The following TDRD5 variants were observed in gnomAD, a reference collection of about 807,000 sequenced individuals.
TDRD5 encodes tudor domain-containing protein 5.
In TDRD5, 41 loss-of-function variants were observed where a neutral mutation model predicts 120.6. The ratio of observed to expected loss-of-function variants is 0.34; its 90% CI spans 0.26 to 0.44. The LOEUF is 0.44. TDRD5 is among the 20% of genes least tolerant of loss of function. The pLI, the probability that TDRD5 is intolerant of heterozygous loss-of-function variation, is 1.00. For missense variants in TDRD5, 1,006 were observed against 1,221.2 expected, an observed-to-expected ratio of 0.82 and a Z score of 2.63; for synonymous variants, 430 against 433.7, an observed-to-expected ratio of 0.99 and a Z score of 0.11.
intron 11 of TDRD5, among the ~76,000 whole-genome samples, chr1:179,646,828 C>T (rs952715047): frequency 6.6e-6 from 1 of 151,970 alleles, no homozygotes; most frequent in Admixed American, 6.6e-5. Context: ...AGAGCCAAAT[C>T]ATGAGTGAAC....
intron 7 of TDRD5, among the ~76,000 whole-genome samples, chr1:179,632,253 C>T (rs1435041852): frequency 1.3e-5 from 2 of 152,062 alleles, no homozygotes; most frequent in Non-Finnish European, 2.9e-5. Flanking sequence ...ATTTTAGATT[C>T]ACATGGAGTT....
intron 6 of TDRD5, 89 bp from the exon 7 acceptor site, chr1:179,630,678 G>T: frequency 7.3e-7 from 1 of 1,375,434 alleles, no homozygotes; most frequent in South Asian, 1.5e-5. Flanking sequence ...GACCCTTTAA[G>T]ATTTAGTTTG....
chr1:179,621,094 A>T lies in TDRD5; in HGVS notation c.972+3A>T. ...CTAAACTGCTTGGAGAGTATGAGGT[A>T]AGTGTTTTGCTTTTCCCCAACCCTA... On this transcript the variant is annotated splice_donor_region_variant and intron_variant, in intron 6 of 17. Transcript: ENST00000444136. 28 of 1,594,730 alleles carry T rather than the reference A, an allele frequency of 1.8e-5. No homozygotes were observed. The highest frequency in any genetic ancestry group is 2.4e-5 in the Non-Finnish European group (28 of 1,174,436).
chr1:179,637,243 G>C (rs2102018331), intron 9 of TDRD5, among the ~76,000 whole-genome samples: 1 of 152,220 alleles, frequency 6.6e-6, no homozygotes, highest in Non-Finnish European at 1.5e-5. Context: ...TAATCACTTG[G>C]TAAAAATATA....
rs374367114 is a variant in TDRD5, at chr1:179,630,794, A to G, written c.1000A>G (p.Lys334Glu). 28 of 1,613,422 alleles carry G rather than the reference A, an allele frequency of 1.7e-5. No homozygotes were observed. In the African/African-American group the frequency reaches 2.4e-4, roughly 14 times the overall value. The change falls in exon 7 of 18, where the codon AAA becomes GAA. Residue 334 changes from lysine (K) to glutamate (E), a missense_variant. Around this residue, in one of 3 missense-constraint regions of TDRD5, gnomAD observed 445 missense variants for 515.5 expected, o/e 0.86. Transcript: ENST00000444136. The stretch of plus-strand genomic sequence containing the variant: ...AATTTTTAAAGAGCAACTATCACCA[A>G]AAAAATTAGGCTTCTTAAATGTGAC... ...EVIFKEQLSP[K>E]KLGFLNVTEL...
At position 179,654,229 on chromosome 1, in the gene TDRD5, GT is replaced by G. The variant is rs1319400319; in HGVS notation, c.2190del (p.His731IlefsTer10). 1.3e-6 allele frequency: 2 copies of G among 1,545,466 alleles called. No homozygotes were observed. Among genetic ancestry groups the G allele is most frequent in the Admixed American group, 4.0e-5 (2 of 50,572 alleles). On this transcript the variant is annotated frameshift_variant, in exon 14 of 18. Coordinates refer to ENST00000444136, the MANE Select transcript of TDRD5 (RefSeq NM_001199085.3). LOFTEE classifies it high-confidence loss of function. ...LQDINDEKSL[S>X]HLKSESKEPL... ...GATATTAATGATGAAAAGTCTTTAA[GT>G]CATCTTAAATCTGAGTCAAAGGAGC...
At chr1:179,615,636 C>A (rs1676526771) in intron 4 of TDRD5, among the ~76,000 whole-genome samples, 1 of 152,084 alleles carries the variant, frequency 6.6e-6, no homozygotes, top group African/African-American at 2.4e-5. Context: ...CTGATTACCT[C>A]CCAATCTTAC....
chr1:179,631,062 C>T, intron 7 of TDRD5, 142 bp downstream of exon 7: 2 of 920,988 alleles, frequency 2.2e-6, no homozygotes, highest in Non-Finnish European at 3.2e-6. Flanking sequence ...TAAGGTTAAT[C>T]TGTATTGTTA....
chr1:179,602,023 T>G (rs1024610355), intron 4 of TDRD5, among the ~76,000 whole-genome samples: 14 of 152,176 alleles, frequency 9.2e-5, no homozygotes, highest in Admixed American at 6.5e-4. Context: ...CCAGGCTGGT[T>G]GTGAACTCCT....
At chr1:179,619,617 C>A (rs904267565) in intron 5 of TDRD5, among the ~76,000 whole-genome samples, 13 of 150,470 alleles carry the variant, frequency 8.6e-5, no homozygotes, top group Admixed American at 7.3e-4. Context: ...AAAGGACATT[C>A]AATATGACTT....
At chr1:179,606,624 T>C (rs1421066942) in intron 4 of TDRD5, among the ~76,000 whole-genome samples, 6 of 152,246 alleles carry the variant, frequency 3.9e-5, no homozygotes, top group Admixed American at 6.5e-5. Flanking sequence ...GGGTGTAAGG[T>C]CTAGATATGT....
Position 179,654,708 on chromosome 1 carries a change from C to CA in TDRD5, c.2322+347dup, listed in dbSNP as rs1225356325. Among the ~76,000 whole-genome samples the CA allele has an allele frequency of 2.0e-5, 3 of 152,152 alleles. No homozygotes were observed. In the East Asian group the frequency reaches 5.8e-4, roughly 29 times the overall value. On this transcript the variant is annotated intron_variant, in intron 14 of 17. Transcript: ENST00000444136. Reference sequence around the variant, plus strand: ...GCCTGATCCCAGGAGGTGGAGGTGGCAGTGAGCTGAGATCGTGCCACTGTA... The same window carrying CA: ...GCCTGATCCCAGGAGGTGGAGGTGGCAAGTGAGCTGAGATCGTGCCACTGTA...
At chr1:179,598,202 G>A (rs1373513376) in intron 4 of TDRD5, among the ~76,000 whole-genome samples, 3 of 152,146 alleles carry the variant, frequency 2.0e-5, no homozygotes, top group African/African-American at 7.2e-5. Flanking sequence ...AAAAGGTACA[G>A]AAAAAATACA....
At chr1:179,645,486 T>C (rs1181352820) in intron 11 of TDRD5, among the ~76,000 whole-genome samples, 1 of 152,240 alleles carries the variant, frequency 6.6e-6, no homozygotes, top group Non-Finnish European at 1.5e-5. Flanking sequence ...CCTTTAAATA[T>C]GCAGAGGCTG....
intron 5 of TDRD5, among the ~76,000 whole-genome samples, chr1:179,619,219 C>T (rs1478396756): frequency 2.0e-5 from 3 of 152,140 alleles, no homozygotes; most frequent in African/African-American, 4.8e-5. Flanking sequence ...CAGATTTATA[C>T]TCCCACTGAC....
At chr1:179,600,134 C>A (rs1035105791) in intron 4 of TDRD5, among the ~76,000 whole-genome samples, 1 of 152,058 alleles carries the variant, frequency 6.6e-6, no homozygotes, top group African/African-American at 2.4e-5. Flanking sequence ...TCCCTGAACA[C>A]CTTACCACAT....
intron 3 of TDRD5, among the ~76,000 whole-genome samples, chr1:179,595,128 C>T (rs2101904537): frequency 6.6e-6 from 1 of 152,006 alleles, no homozygotes; most frequent in Non-Finnish European, 1.5e-5. Flanking sequence ...GGTGATGTAT[C>T]TTTCATGTCA....
At chr1:179,672,021 T>C (rs1679882474) in intron 17 of TDRD5, among the ~76,000 whole-genome samples, 1 of 151,436 alleles carries the variant, frequency 6.6e-6, no homozygotes, top group African/African-American at 2.4e-5. Context: ...CACTCATTGA[T>C]TGATGGGCAT....
intron 17 of TDRD5, among the ~76,000 whole-genome samples, chr1:179,686,592 G>A (rs1036615627): frequency 2.0e-5 from 3 of 152,124 alleles, no homozygotes; most frequent in African/African-American, 7.2e-5. Context: ...TTTTTCTATT[G>A]ATTGAAATAG....
Sources: allele counts gnomAD v4.1 joint callset (sites outside exome capture counted in the v4.1 genomes callset), GRCh38; gene constraint gnomAD v4.1.1; regional missense constraint gnomAD v4.1.1; transcripts MANE v1.5; gene names NCBI Gene and HGNC (gene_info 2026-07-23, HGNC 2026-07-21).